Variants in CRPPA observed in about 807,000 individuals in gnomAD.
The protein encoded by CRPPA is D-ribitol-5-phosphate cytidylyltransferase.
A neutral mutation model predicts 52.0 loss-of-function variants in CRPPA; 43 were observed. The observed-to-expected ratio is 0.83, with a 90% CI of 0.65 to 1.07. CRPPA has a LOEUF of 1.07. CRPPA is among the 50% of genes least tolerant of loss of function. CRPPA has a pLI of 0.00. For missense variants in CRPPA, 629 were observed against 551.7 expected (o/e 1.14, Z -1.40); for synonymous variants, 250 against 203.5 (o/e 1.23, Z -1.94).
chr7:16,169,457 C>T (rs1781132296), intron 9 of CRPPA, among the ~76,000 whole-genome samples: 1 of 152,122 alleles, frequency 6.6e-6, no homozygotes, highest in South Asian at 2.1e-4. Context: ...AAGGTGAATA[C>T]CAAAATGGAA....
At chr7:16,396,842 G>C (rs896410488) in intron 2 of CRPPA, among the ~76,000 whole-genome samples, 1 of 152,240 alleles carries the variant, frequency 6.6e-6, no homozygotes, top group African/African-American at 2.4e-5. Flanking sequence ...CTATACGTAT[G>C]TGACACGTAA....
intron 9 of CRPPA, chr7:16,209,039 T>C (rs10274855): frequency 0.045 from 19,722 of 439,246 alleles, 1,657 homozygotes; most frequent in East Asian, 0.32. Flanking sequence ...GGCAAGGATT[T>C]TCTGTATGCC....
intron 9 of CRPPA, among the ~76,000 whole-genome samples, chr7:16,195,178 G>A (rs1271114930): frequency 6.6e-6 from 1 of 152,092 alleles, no homozygotes; most frequent in Non-Finnish European, 1.5e-5. Flanking sequence ...ATTAAGGTGG[G>A]CATTATCAGA....
intron 3 of CRPPA, among the ~76,000 whole-genome samples, chr7:16,362,880 GC>G (rs1786494940): frequency 1.3e-5 from 2 of 151,956 alleles, no homozygotes; most frequent in Admixed American, 1.3e-4. Flanking sequence ...CAGTTTTTCT[GC>G]TTTTGATAAT....
chr7:16,170,409 C>G (rs1781155742), intron 9 of CRPPA, among the ~76,000 whole-genome samples: 1 of 152,156 alleles, frequency 6.6e-6, no homozygotes, highest in Non-Finnish European at 1.5e-5. Flanking sequence ...AGAGTTTATT[C>G]CTTCTGATGT....
chr7:16,164,242 C>G (rs1225658730), intron 9 of CRPPA, among the ~76,000 whole-genome samples: 1 of 152,148 alleles, frequency 6.6e-6, no homozygotes, highest in Non-Finnish European at 1.5e-5. Flanking sequence ...TGTCTTCATG[C>G]TTTATTTCAT....
At chr7:16,126,501 G>A (rs1313309304) in intron 9 of CRPPA, among the ~76,000 whole-genome samples, 1 of 152,062 alleles carries the variant, frequency 6.6e-6, no homozygotes, top group Non-Finnish European at 1.5e-5. Flanking sequence ...GGAAGTCAGT[G>A]AATTTAACAA....
At chr7:16,396,481 T>C (rs981617517) in intron 2 of CRPPA, among the ~76,000 whole-genome samples, 1 of 152,200 alleles carries the variant, frequency 6.6e-6, no homozygotes, top group Non-Finnish European at 1.5e-5. Context: ...GAATATATAA[T>C]AGTACAACCA....
At chr7:16,386,634 A>T (rs1374138648) in intron 2 of CRPPA, among the ~76,000 whole-genome samples, 1 of 152,212 alleles carries the variant, frequency 6.6e-6, no homozygotes, top group Non-Finnish European at 1.5e-5. Flanking sequence ...GGTGTACTGG[A>T]TTAAGGAAAT....
At chr7:16,375,926 C>G (rs1786868124) in intron 3 of CRPPA, among the ~76,000 whole-genome samples, 166 bp downstream of exon 3, 1 of 152,182 alleles carries the variant, frequency 6.6e-6, no homozygotes, top group Non-Finnish European at 1.5e-5. Context: ...GCCTGCATCT[C>G]TCTCTTCTGA....
chr7:16,398,722 C>G (rs984327418), intron 2 of CRPPA, among the ~76,000 whole-genome samples: 1 of 152,160 alleles, frequency 6.6e-6, no homozygotes, highest in African/African-American at 2.4e-5. Context: ...GTGGGTGACA[C>G]GTGACCAACA....
intron 5 of CRPPA, among the ~76,000 whole-genome samples, chr7:16,286,074 T>TAAAAAAAA (rs1784436129): frequency 5.3e-5 from 1 of 18,694 alleles, no homozygotes; most frequent in African/African-American, 4.0e-4. Flanking sequence ...TATATATATA[T>TAAAAAAAA]ATATATAATA....
intron 6 of CRPPA, among the ~76,000 whole-genome samples, chr7:16,260,140 T>C (rs1336913148): frequency 6.6e-6 from 1 of 152,080 alleles, no homozygotes. Context: ...ATCTAGATAT[T>C]ACAGGGAGAC....
chr7:16,344,599 A>T (rs1364451303), intron 3 of CRPPA, among the ~76,000 whole-genome samples: 1 of 152,084 alleles, frequency 6.6e-6, no homozygotes, highest in African/African-American at 2.4e-5. Flanking sequence ...TGTTCAGTCA[A>T]CTTAAGGACT....
intron 9 of CRPPA, among the ~76,000 whole-genome samples, chr7:16,129,684 A>C (rs531749404): frequency 6.6e-6 from 1 of 152,292 alleles, no homozygotes; most frequent in East Asian, 1.9e-4. Context: ...GGAGCTAAGC[A>C]AGATTTGTAC....
chr7:16,151,558 A>G (rs894178100), intron 9 of CRPPA, among the ~76,000 whole-genome samples: 3 of 152,112 alleles, frequency 2.0e-5, no homozygotes, highest in African/African-American at 7.2e-5. Flanking sequence ...ATTCCAAAAC[A>G]TTCATTGTAG....
intron 9 of CRPPA, among the ~76,000 whole-genome samples, chr7:16,104,274 C>G (rs796345945): frequency 4.1e-4 from 63 of 152,214 alleles, no homozygotes; most frequent in African/African-American, 1.3e-3. Context: ...GGCAAAGCTC[C>G]CTCCCAGAAT....
chr7:16,377,664 G>A (rs1387601105), intron 2 of CRPPA, among the ~76,000 whole-genome samples: 1 of 152,182 alleles, frequency 6.6e-6, no homozygotes, highest in Admixed American at 6.5e-5. Flanking sequence ...AACAGACTCT[G>A]TAGTACTCAA....
intron 9 of CRPPA, among the ~76,000 whole-genome samples, chr7:16,125,942 T>A (rs1782571849): frequency 6.8e-6 from 1 of 146,794 alleles, no homozygotes; most frequent in East Asian, 2.0e-4. Flanking sequence ...CACAAATACA[T>A]ACATAATGAT....
Sources: gnomAD v4.1 joint callset for allele counts (sites outside exome capture counted in the v4.1 genomes callset) on GRCh38, gnomAD v4.1.1 for gene constraint, MANE v1.5 for transcripts, NCBI Gene and HGNC (gene_info 2026-07-23, HGNC 2026-07-21) for gene names.